Variants in DOCK7 observed in about 807,000 individuals in gnomAD.
DOCK7 encodes the protein dedicator of cytokinesis protein 7.
In DOCK7, 138 loss-of-function variants were observed where a neutral mutation model predicts 271.0. That is an observed-to-expected ratio of 0.51 (90% CI 0.44 to 0.59). The LOEUF is 0.59. DOCK7 is among the 20% of genes least tolerant of loss of function. The probability of loss-of-function intolerance (pLI) is 0.00; values close to 1 mark genes in which losing one functional copy is unlikely to be tolerated. For synonymous variants in DOCK7, 823 were observed against 876.1 expected (o/e 0.94, Z 1.07); for missense variants, 2,066 against 2,592.4 (o/e 0.80, Z 4.41).
Position 62,496,331 on chromosome 1 carries a change from T to C in DOCK7, c.4923+8A>G. On this transcript the variant is annotated splice_region_variant and intron_variant, in intron 38 of 49. Transcript: ENST00000635253. ...TCAATTAATGATCTAGAAAGCAGCA[T>C]TTCTGACCTGATCAGGAAATGTTGT... 2 of 1,612,934 alleles carry C rather than the reference T, an allele frequency of 1.2e-6. No homozygotes were observed. The highest frequency in any genetic ancestry group is 2.2e-5 in the South Asian group (2 of 90,924).
chr1:62,626,400 A>G (rs1043294974), intron 11 of DOCK7, among the ~76,000 whole-genome samples: 6 of 152,080 alleles, frequency 3.9e-5, no homozygotes, highest in African/African-American at 1.4e-4. Flanking sequence ...TAAGGAAAAT[A>G]GAAACTATAA....
intron 29 of DOCK7, chr1:62,530,899 C>T (rs1229105694): frequency 6.6e-6 from 1 of 152,510 alleles, no homozygotes; most frequent in Non-Finnish European, 1.5e-5. Flanking sequence ...TCCTCCTTCT[C>T]CCACTGGGTG....
chr1:62,620,407 A>G (rs1653030421), intron 12 of DOCK7, among the ~76,000 whole-genome samples: 1 of 151,942 alleles, frequency 6.6e-6, no homozygotes, highest in Admixed American at 6.6e-5. Flanking sequence ...TATGCCTACA[A>G]TGTAGTTAGA....
rs913024616 is a variant in DOCK7, at chr1:62,457,818, A to G, written c.6213-113T>C. On this transcript the variant is annotated intron_variant, in intron 48 of 49. Coordinates refer to ENST00000635253, the MANE Select transcript of DOCK7 (RefSeq NM_001367561.1). ...ATATGTGGGCTTAATGACACACAACACAGACTATATATGTGGGCCTAATCA... is the reference window on the plus strand; with the variant it reads ...ATATGTGGGCTTAATGACACACAACGCAGACTATATATGTGGGCCTAATCA... 24 of 1,001,476 alleles carry G rather than the reference A, an allele frequency of 2.4e-5. No homozygotes were observed. In the African/African-American group the frequency reaches 3.6e-4, roughly 15 times the overall value. 62.0% of individuals were successfully genotyped at this position (1,001,476 alleles called of 1,614,324 possible).
chr1:62,668,467 T>A (rs1659563674), intron 1 of DOCK7, among the ~76,000 whole-genome samples: 1 of 152,222 alleles, frequency 6.6e-6, no homozygotes, highest in Non-Finnish European at 1.5e-5. Context: ...AATTTGAACA[T>A]GGGCAAGGTA....
rs1652858377 is a variant in DOCK7 at position 62,619,413 on chromosome 1, C to CCTGAAACT, written c.1519+479_1519+486dup. Among the ~76,000 whole-genome samples, 4 of 152,326 alleles carry CCTGAAACT rather than the reference C, an allele frequency of 2.6e-5. No individual in the cohort carries two copies. In the South Asian group the frequency reaches 8.3e-4, roughly 32 times the overall value. On this transcript the variant is annotated intron_variant, in intron 13 of 49. Coordinates refer to ENST00000635253, the MANE Select transcript of DOCK7 (RefSeq NM_001367561.1). ...TTTAAGACCCAACCCCTAGTGGATG[C>CCTGAAACT]CTGAAACTGCAGACAGTACCCAACC... is the stretch of plus-strand genomic sequence containing the variant.
chr1:62,661,744 C>G (rs1168101), intron 2 of DOCK7, among the ~76,000 whole-genome samples: 148,544 of 152,226 alleles, frequency 0.98, 72,581 homozygotes, highest in Middle Eastern at 1. Context: ...AAAGATAAGA[C>G]GTGGTGATCA....
intron 48 of DOCK7, among the ~76,000 whole-genome samples, chr1:62,462,866 C>A (rs1307620162): frequency 6.8e-6 from 1 of 147,554 alleles, no homozygotes; most frequent in East Asian, 2.0e-4. Flanking sequence ...GCTGGGATTA[C>A]AGGCACTCAC....
chr1:62,469,726 CAAAT>C (rs1206096626), intron 48 of DOCK7, among the ~76,000 whole-genome samples: 16 of 151,952 alleles, frequency 1.1e-4, no homozygotes, highest in African/African-American at 3.1e-4. Flanking sequence ...AAGAAAAAAA[CAAAT>C]AATTTCGTCA....
chr1:62,662,686 A>C (rs562358955), intron 2 of DOCK7, among the ~76,000 whole-genome samples: 1 of 152,258 alleles, frequency 6.6e-6, no homozygotes, highest in East Asian at 1.9e-4. Flanking sequence ...ACTGGAACCC[A>C]GGAGGCGGAA....
At chr1:62,578,717 C>T in intron 17 of DOCK7, 111 bp downstream of exon 17, 1 of 302,788 alleles carries the variant, frequency 3.3e-6, no homozygotes, top group Non-Finnish European at 4.5e-6. Context: ...GACTCTGTCT[C>T]AAAAAAAAAA....
intron 31 of DOCK7, among the ~76,000 whole-genome samples, chr1:62,519,140 T>G (rs968621041): frequency 2.0e-5 from 3 of 152,006 alleles, no homozygotes; most frequent in African/African-American, 7.2e-5. Context: ...AAATGTTTCA[T>G]AATCAGGCCT....
Position 62,577,269 on chromosome 1 carries a change from G to A in DOCK7, c.2105C>T (p.Ser702Phe). The change falls in exon 18 of 50, where the codon TCT becomes TTT. Residue 702 changes from serine to phenylalanine, a missense_variant. This residue lies in a region of DOCK7 where 1,414 missense variants were observed against 1,670.4 expected (regional missense o/e 0.85). Transcript: ENST00000635253. ...AACATGGGAGACACTGACCTCAGGAGACAGTACAGAATAAGCCTGTGGTGG... is the reference window on the plus strand; with the variant it reads ...AACATGGGAGACACTGACCTCAGGAAACAGTACAGAATAAGCCTGTGGTGG... ...EKPPQAYSVLSPEVPLPGMKW... is the reference protein window; with the variant it reads ...EKPPQAYSVLFPEVPLPGMKW... The A allele has an allele frequency of 6.5e-7, 1 of 1,529,410 alleles. No individual in the cohort carries two copies. The highest frequency in any genetic ancestry group is 8.9e-7 in the Non-Finnish European group (1 of 1,129,410). 94.7% of individuals were successfully genotyped at this position (1,529,410 alleles called of 1,614,324 possible). A position where few individuals can be genotyped will look rare whatever the true frequency, so the allele number is the denominator to read the frequency against.
chr1:62,678,445 T>C (rs1002390966), intron 1 of DOCK7, among the ~76,000 whole-genome samples: 3 of 152,082 alleles, frequency 2.0e-5, no homozygotes, highest in African/African-American at 7.2e-5. Flanking sequence ...ACAAAAGATA[T>C]GCAAGAACCT....
chr1:62,502,030 G>A (rs1646799331), intron 37 of DOCK7, among the ~76,000 whole-genome samples: 1 of 151,736 alleles, frequency 6.6e-6, no homozygotes, highest in South Asian at 2.1e-4. Context: ...CAAAAGAAAG[G>A]AATTAAAAAT....
At chr1:62,476,010 T>C (rs1163174139) in intron 45 of DOCK7, 57 bp downstream of exon 45, 14 of 1,602,066 alleles carry the variant, frequency 8.7e-6, no homozygotes, top group South Asian at 7.7e-5. Context: ...TCAAACAAAA[T>C]TGCACAGAGG....
At chr1:62,595,433 G>A (rs1649088535) in intron 14 of DOCK7, among the ~76,000 whole-genome samples, 2 of 152,152 alleles carry the variant, frequency 1.3e-5, no homozygotes, top group African/African-American at 4.8e-5. Flanking sequence ...GGGGTTCAGA[G>A]ATGTGAAGTA....
At position 62,647,766 on chromosome 1, in the gene DOCK7, A is replaced by G; in HGVS notation, c.743T>C (p.Ile248Thr). 6.2e-7 allele frequency: 1 copy of G among 1,604,678 alleles called. No individual in the cohort carries two copies. The highest frequency in any genetic ancestry group is 8.5e-7 in the Non-Finnish European group (1 of 1,177,164). ...LHPSPDEEEP[I>T]ERLSVPDIPK... The stretch of plus-strand genomic sequence containing the variant: ...TATATCAGGAACACTAAGCCGTTCT[A>G]TTGGTTCTTCCTACAAATTGAAAAG... Residue 248 changes from isoleucine (I) to threonine (T), a missense_variant, in exon 7 of 50, where the codon ATA (isoleucine) becomes ACA (threonine). Transcript: ENST00000635253.
chr1:62,494,228 C>A, intron 40 of DOCK7, 47 bp downstream of exon 40: 1 of 1,464,094 alleles, frequency 6.8e-7, no homozygotes, highest in Non-Finnish European at 9.1e-7. Flanking sequence ...AAGCTAAAAC[C>A]AAAAAAAGAT....
Sources: allele counts gnomAD v4.1 joint callset (sites outside exome capture counted in the v4.1 genomes callset), GRCh38; gene constraint gnomAD v4.1.1; regional missense constraint gnomAD v4.1.1; transcripts MANE v1.5; gene names NCBI Gene and HGNC (gene_info 2026-07-23, HGNC 2026-07-21).